Variants in RIC1 observed in about 807,000 individuals in gnomAD.
RIC1 encodes the protein RIC1 partner of RAB6A GEF complex.
A neutral mutation model predicts 169.0 loss-of-function variants in RIC1; 88 were observed. That is an observed-to-expected ratio of 0.52 (90% confidence interval 0.44 to 0.62). The LOEUF (loss-of-function observed/expected upper bound fraction) is 0.62. Ranked by LOEUF, RIC1 falls within the 20% of genes least tolerant of loss-of-function variation. RIC1 has a pLI of 0.00. For missense variants in RIC1, 1,877 were observed against 1,725.5 expected, an observed-to-expected ratio of 1.09 and a Z score of -1.56; for synonymous variants, 790 against 601.5, an observed-to-expected ratio of 1.31 and a Z score of -4.59.
intron 2 of RIC1, among the ~76,000 whole-genome samples, chr9:5,686,266 C>G (rs945458283): frequency 1.3e-5 from 2 of 151,876 alleles, no homozygotes; most frequent in African/African-American, 2.4e-5. Context: ...ACCCAGCCAT[C>G]CCATTACTGG....
intron 1 of RIC1, among the ~76,000 whole-genome samples, chr9:5,651,238 A>T (rs1219049886): frequency 6.6e-6 from 1 of 152,134 alleles, no homozygotes; most frequent in Non-Finnish European, 1.5e-5. Flanking sequence ...GATAAAGGCC[A>T]AGCAAACAAC....
chr9:5,674,166 T>G lies in RIC1; in HGVS notation c.253-15793T>G, dbSNP rs372449338. 1.4e-4 allele frequency among the ~76,000 whole-genome samples: 22 copies of G among 152,270 alleles called. No homozygotes were observed. The East Asian group carries it at 4.2e-3, about 29-fold the overall frequency. On this transcript the variant is annotated intron_variant, in intron 2 of 25. Transcript: ENST00000414202. The stretch of plus-strand genomic sequence containing the variant: ...GGACTACATAAAAATTGATAATGAT[T>G]ATCTGTGAATGGTGAAACTATTGGC...
intron 1 of RIC1, among the ~76,000 whole-genome samples, chr9:5,636,660 G>A (rs1817986851): frequency 6.6e-6 from 1 of 152,086 alleles, no homozygotes; most frequent in South Asian, 2.1e-4. Context: ...TTGTTCTTGT[G>A]TAGAAACACA....
At chr9:5,634,373 C>T (rs995083830) in intron 1 of RIC1, among the ~76,000 whole-genome samples, 1 of 152,180 alleles carries the variant, frequency 6.6e-6, no homozygotes, top group East Asian at 1.9e-4. Flanking sequence ...TCCCTTTTCT[C>T]CACGTCTTTG....
At chr9:5,742,701 C>G (rs981527275) in intron 8 of RIC1, among the ~76,000 whole-genome samples, 168 bp from the exon 9 acceptor site, 1 of 151,112 alleles carries the variant, frequency 6.6e-6, no homozygotes, top group African/African-American at 2.4e-5. Context: ...AAACTAATGG[C>G]CTTACTAACT....
chr9:5,630,344 C>G (rs10815254), intron 1 of RIC1, among the ~76,000 whole-genome samples: 14 of 152,182 alleles, frequency 9.2e-5, no homozygotes, highest in African/African-American at 3.1e-4. Context: ...TTTTCCTCCC[C>G]AAAGAAGGCA....
chr9:5,703,361 G>C (rs1380863682), intron 3 of RIC1, among the ~76,000 whole-genome samples: 5 of 152,184 alleles, frequency 3.3e-5, no homozygotes, highest in Non-Finnish European at 7.3e-5. Flanking sequence ...TTGACTCCAT[G>C]TCTCACATAG....
Position 5,765,666 on chromosome 9 carries a change from C to A in RIC1, c.3005C>A (p.Pro1002His). The A allele has an allele frequency of 6.2e-7, 1 of 1,614,118 alleles. No individual in the cohort carries two copies. The highest frequency in any genetic ancestry group is 1.7e-5 in the Admixed American group (1 of 60,010). Residue 1002 changes from proline (P) to histidine (H), a missense_variant, in exon 21 of 26, where the codon CCC (proline) becomes CAC (histidine). Pro to His is a moderately conservative substitution (Grantham distance 77). This residue lies in a region of RIC1 where 681 missense variants were observed against 582.0 expected (regional missense o/e 1.17). Transcript: ENST00000414202. ...GCATATGGTGTGTAATCCTAGGAAC[C>A]CAGTTCAAGTGGTGGATTTGAGTTC... ...TPPSTPTAQE[P>H]SSSGGFEFFR...
intron 13 of RIC1, 21 bp from the exon 14 acceptor site, chr9:5,753,515 C>G (rs972570327): frequency 1.2e-5 from 17 of 1,449,738 alleles, no homozygotes; most frequent in Non-Finnish European, 1.4e-5. Context: ...AGGAAAAGTT[C>G]TTATTTTTTT....
Position 5,718,139 on chromosome 9 carries a change from CAAAAAAAAAAAA to C in RIC1, c.441-2027_441-2016del, listed in dbSNP as rs35477806. On this transcript the variant is annotated intron_variant, in intron 4 of 25. Coordinates refer to ENST00000414202, the MANE Select transcript of RIC1 (RefSeq NM_020829.4). The stretch of plus-strand genomic sequence containing the variant: ...TGGGCAACAGAGCAAGACTCCGTCT[CAAAAAAAAAAAA>C]AAAAAAAAAAAAAAAGTTCAGTTCT... 6.1e-4 allele frequency among the ~76,000 whole-genome samples: 17 copies of C among 28,090 alleles called. No individual in the cohort carries two copies. The South Asian group carries it at 0.014, about 23-fold the overall frequency. The allele number at this position is 28,090 out of a possible 152,430, so 18.4% of individuals were successfully genotyped here.
chr9:5,693,644 G>T (rs1821716228), intron 3 of RIC1, among the ~76,000 whole-genome samples: 1 of 152,046 alleles, frequency 6.6e-6, no homozygotes, highest in African/African-American at 2.4e-5. Context: ...AATTAATGAA[G>T]GAAACTTCCA....
At chr9:5,778,532 C>T (rs1362425987), downstream of RIC1, among the ~76,000 whole-genome samples, 1 of 152,132 alleles carries the variant, frequency 6.6e-6, no homozygotes, top group African/African-American at 2.4e-5. Flanking sequence ...TATTGATAAG[C>T]TTTATCTGGT....
At chr9:5,653,688 C>G (rs968313348) in intron 1 of RIC1, among the ~76,000 whole-genome samples, 1 of 152,062 alleles carries the variant, frequency 6.6e-6, no homozygotes, top group Non-Finnish European at 1.5e-5. Flanking sequence ...GCCTCCGTCT[C>G]CTGGGTTCAA....
chr9:5,763,295 T>A lies in RIC1; in HGVS notation c.2268T>A (p.Asp756Glu). 1 of 1,614,132 alleles carries A rather than the reference T, an allele frequency of 6.2e-7. No homozygotes were observed. The highest frequency in any genetic ancestry group is 1.1e-5 in the South Asian group (1 of 91,076). ...TTTGGCTCCCTCTCTTCCCTAGGGATCACCGCAAGCCCCATTCCTTCTTGT... is the reference window on the plus strand; with the variant it reads ...TTTGGCTCCCTCTCTTCCCTAGGGAACACCGCAAGCCCCATTCCTTCTTGT... ...MKVWLPLFPRDHRKPHSFLSQ... is the reference protein window; with the variant it reads ...MKVWLPLFPREHRKPHSFLSQ... Residue 756 changes from aspartate (D) to glutamate (E), a missense_variant, in exon 19 of 26, where the codon GAT becomes GAA. Around this residue, in one of 3 missense-constraint regions of RIC1, gnomAD observed 1,104 missense variants for 992.0 expected, o/e 1.11. Coordinates refer to ENST00000414202, the MANE Select transcript of RIC1 (RefSeq NM_020829.4). The surrounding 1 kb of genome is among the most constrained non-coding windows in gnomAD (Gnocchi z 5.2).
intron 15 of RIC1, among the ~76,000 whole-genome samples, chr9:5,755,754 C>T (rs1825971558): frequency 6.6e-6 from 1 of 152,064 alleles, no homozygotes; most frequent in South Asian, 2.1e-4. Context: ...GAAACCCCAT[C>T]TCTATTAAAA....
At chr9:5,710,943 T>C (rs1822893828) in intron 3 of RIC1, among the ~76,000 whole-genome samples, 1 of 152,134 alleles carries the variant, frequency 6.6e-6, no homozygotes, top group Non-Finnish European at 1.5e-5. Flanking sequence ...AATATCTAAC[T>C]GACTAGGAGT....
intron 3 of RIC1, among the ~76,000 whole-genome samples, chr9:5,705,455 G>A (rs779135888): frequency 1.3e-4 from 20 of 151,928 alleles, no homozygotes; most frequent in African/African-American, 1.9e-4. Context: ...TATTGCTAGC[G>A]TAGAGAAATA....
Position 5,747,282 on chromosome 9 carries a change from T to C in RIC1, c.1249-20T>C. ...TTTGTTTTCCTCCTTTGCCCTTTTG[T>C]TCCTCTTTCCCTCATTTAGAGTAAC... is the stretch of plus-strand genomic sequence containing the variant. On this transcript the variant is annotated intron_variant, in intron 11 of 25. Coordinates refer to ENST00000414202, the MANE Select transcript of RIC1 (RefSeq NM_020829.4). 6.2e-7 allele frequency: 1 copy of C among 1,604,208 alleles called. No individual in the cohort carries two copies.
intron 2 of RIC1, among the ~76,000 whole-genome samples, chr9:5,665,683 T>G (rs1819711431): frequency 6.6e-6 from 1 of 152,172 alleles, no homozygotes; most frequent in Non-Finnish European, 1.5e-5. Context: ...AACAGGCCAC[T>G]CTTCCATAGA....
Sources: gnomAD v4.1 joint callset for allele counts (sites outside exome capture counted in the v4.1 genomes callset) on GRCh38, gnomAD v4.1.1 for gene constraint, gnomAD v4.1.1 regional missense constraint, Gnocchi (gnomAD v3.1) non-coding constraint, MANE v1.5 for transcripts, NCBI Gene and HGNC (gene_info 2026-07-23, HGNC 2026-07-21) for gene names.